Variants in ATXN1 observed in about 807,000 individuals in gnomAD.
ATXN1 encodes the protein ataxin 1.
A neutral mutation model predicts 56.4 loss-of-function variants in ATXN1; 8 were observed. That is an observed-to-expected ratio of 0.14 (90% CI 0.08 to 0.26). The LOEUF (loss-of-function observed/expected upper bound fraction) is 0.26. ATXN1 is among the 10% of genes least tolerant of loss of function. ATXN1 has a pLI of 1.00. For synonymous variants in ATXN1, 514 were observed against 494.6 expected (o/e 1.04, Z -0.52); for missense variants, 987 against 1,106.5 (o/e 0.89, Z 1.53).
chr6:16,505,843 A>C (rs1349367848), intron 5 of ATXN1, among the ~76,000 whole-genome samples: 1 of 152,240 alleles, frequency 6.6e-6, no homozygotes, highest in African/African-American at 2.4e-5. Context: ...AAGTAATTTT[A>C]GTGTTGCTTC....
intron 2 of ATXN1, among the ~76,000 whole-genome samples, chr6:16,685,728 A>G (rs1233262180): frequency 1.3e-5 from 2 of 152,208 alleles, no homozygotes; most frequent in African/African-American, 2.4e-5. Flanking sequence ...GAGCAGAGGA[A>G]CCAGTCATTA....
intron 7 of ATXN1, among the ~76,000 whole-genome samples, chr6:16,317,621 AG>A (rs935486800): frequency 1.6e-4 from 24 of 152,150 alleles, no homozygotes; most frequent in African/African-American, 5.5e-4. Flanking sequence ...CACCGCGCCC[AG>A]GGATGGCCTT....
chr6:16,320,413 G>C lies in ATXN1; in HGVS notation c.1917+5981C>G, dbSNP rs528709478. Among the ~76,000 whole-genome samples the C allele has an allele frequency of 1.2e-4, 18 of 148,590 alleles. No individual in the cohort carries two copies. In the East Asian group the frequency reaches 3.5e-3, roughly 29 times the overall value. ...AAGCAGTCACCTCGGGAGGCGCTGG[G>C]AAGCGACAGACGGCCCTAATAACAC... On this transcript the variant is annotated intron_variant, in intron 7 of 7. Transcript: ENST00000436367.
intron 3 of ATXN1, among the ~76,000 whole-genome samples, chr6:16,644,629 A>G (rs1763770429): frequency 6.6e-6 from 1 of 151,518 alleles, no homozygotes; most frequent in African/African-American, 2.4e-5. Flanking sequence ...TAAAAATCAA[A>G]TTAAGGACAC....
At chr6:16,599,751 AG>A (rs1410632600) in intron 3 of ATXN1, among the ~76,000 whole-genome samples, 9 of 151,990 alleles carry the variant, frequency 5.9e-5, no homozygotes, top group Non-Finnish European at 1.0e-4. Flanking sequence ...TGGGAACAAG[AG>A]GGTTATTTAA....
At chr6:16,603,563 A>G (rs1296352868) in intron 3 of ATXN1, among the ~76,000 whole-genome samples, 2 of 152,226 alleles carry the variant, frequency 1.3e-5, no homozygotes, top group Non-Finnish European at 2.9e-5. Flanking sequence ...GGCCCCCACC[A>G]TAAATGGGGT....
At chr6:16,461,713 C>T (rs12110539) in intron 6 of ATXN1, among the ~76,000 whole-genome samples, 43,329 of 152,068 alleles carry the variant, frequency 0.28, 6,707 homozygotes, top group Middle Eastern at 0.35. Flanking sequence ...GCTTACAAAA[C>T]GACAATGGTC....
At chr6:16,604,331 A>G (rs933240482) in intron 3 of ATXN1, among the ~76,000 whole-genome samples, 4 of 149,022 alleles carry the variant, frequency 2.7e-5, no homozygotes, top group African/African-American at 4.9e-5. Flanking sequence ...TCTCAAAAAA[A>G]AAAAAAAAAA....
intron 6 of ATXN1, among the ~76,000 whole-genome samples, chr6:16,425,981 C>T (rs1159175453): frequency 6.6e-6 from 1 of 152,164 alleles, no homozygotes; most frequent in Non-Finnish European, 1.5e-5. Context: ...CTGTCTGCCA[C>T]AAGCATATGG....
At chr6:16,597,458 A>G (rs1406289574) in intron 3 of ATXN1, among the ~76,000 whole-genome samples, 1 of 113,676 alleles carries the variant, frequency 8.8e-6, no homozygotes, top group Non-Finnish European at 1.9e-5. Flanking sequence ...TTTTTTTTTG[A>G]GACAGAGTCT....
At chr6:16,639,715 AT>A (rs1271637526) in intron 3 of ATXN1, among the ~76,000 whole-genome samples, 2 of 152,204 alleles carry the variant, frequency 1.3e-5, no homozygotes, top group Admixed American at 6.5e-5. Flanking sequence ...AAAATAACAC[AT>A]TCACTCTGAC....
intron 2 of ATXN1, among the ~76,000 whole-genome samples, chr6:16,735,555 C>A (rs913743704): frequency 6.6e-6 from 1 of 151,996 alleles, no homozygotes; most frequent in African/African-American, 2.4e-5. Flanking sequence ...TTCAGGGAAG[C>A]CTCATTAATA....
chr6:16,676,008 A>AAAAATGCTGCATTCC (rs1561804020), intron 2 of ATXN1, among the ~76,000 whole-genome samples: 1 of 152,182 alleles, frequency 6.6e-6, no homozygotes, highest in African/African-American at 2.4e-5. Flanking sequence ...TCCAATATAG[A>AAAAATGCTGCATTCC]AAAATGCTGC....
intron 4 of ATXN1, among the ~76,000 whole-genome samples, chr6:16,547,010 A>C (rs1205050325): frequency 6.6e-6 from 1 of 152,236 alleles, no homozygotes; most frequent in Non-Finnish European, 1.5e-5. Flanking sequence ...AAGTTCTAGC[A>C]TCTTTCAGAG....
chr6:16,543,339 C>T (rs905166951), intron 4 of ATXN1, among the ~76,000 whole-genome samples: 6 of 152,054 alleles, frequency 3.9e-5, no homozygotes, highest in Admixed American at 3.9e-4. Context: ...AGTTTACAGG[C>T]AAAAGTATTA....
chr6:16,725,378 C>T (rs990102367), intron 2 of ATXN1, among the ~76,000 whole-genome samples: 1 of 152,128 alleles, frequency 6.6e-6, no homozygotes, highest in African/African-American at 2.4e-5. Context: ...CAGAGAAAAG[C>T]ATGAACTACA....
chr6:16,350,894 G>A (rs1277582929), intron 6 of ATXN1, among the ~76,000 whole-genome samples: 4 of 152,170 alleles, frequency 2.6e-5, no homozygotes, highest in Non-Finnish European at 5.9e-5. Context: ...ACCAGCCTGG[G>A]TAACAAAGTG....
At chr6:16,498,278 T>C (rs1760815400) in intron 5 of ATXN1, among the ~76,000 whole-genome samples, 1 of 152,248 alleles carries the variant, frequency 6.6e-6, no homozygotes, top group Non-Finnish European at 1.5e-5. Context: ...TCTCTTGGCA[T>C]AATGTTTTCA....
chr6:16,343,072 C>A (rs1241419882), intron 6 of ATXN1, among the ~76,000 whole-genome samples: 2 of 152,212 alleles, frequency 1.3e-5, no homozygotes, highest in African/African-American at 4.8e-5. Flanking sequence ...TGGCTGGGCG[C>A]GTTGGCTCAC....
Sources: gnomAD v4.1 joint callset for allele counts (sites outside exome capture counted in the v4.1 genomes callset) on GRCh38, gnomAD v4.1.1 for gene constraint, MANE v1.5 for transcripts, NCBI Gene and HGNC (gene_info 2026-07-23, HGNC 2026-07-21) for gene names.